Variants in PTPRT observed in about 807,000 individuals in gnomAD.
The protein encoded by PTPRT is protein tyrosine phosphatase receptor type T, also known as receptor-type tyrosine-protein phosphatase T.
A neutral mutation model predicts 176.8 loss-of-function variants in PTPRT; 56 were observed. That is an observed-to-expected ratio of 0.32 (90% CI 0.26 to 0.40). PTPRT has a LOEUF of 0.40. Ranked by LOEUF, PTPRT falls within the 10% of genes least tolerant of loss-of-function variation. The pLI, the probability that PTPRT is intolerant of heterozygous loss-of-function variation, is 1.00. For synonymous variants in PTPRT, 783 were observed against 739.0 expected (o/e 1.06, Z -0.96); for missense variants, 1,540 against 1,908.2 (o/e 0.81, Z 3.60).
chr20:42,934,890 G>A (rs1980076288), intron 1 of PTPRT, among the ~76,000 whole-genome samples: 1 of 151,874 alleles, frequency 6.6e-6, no homozygotes, highest in South Asian at 2.1e-4. Flanking sequence ...CCAACATGGT[G>A]GAACCACGTC....
intron 11 of PTPRT, among the ~76,000 whole-genome samples, chr20:42,342,424 C>T (rs2058125877): frequency 6.6e-6 from 1 of 152,138 alleles, no homozygotes; most frequent in South Asian, 2.1e-4. Flanking sequence ...TATCCATGTC[C>T]CCCTAACCCC....
At chr20:42,173,170 C>T (rs182992000) in intron 16 of PTPRT, among the ~76,000 whole-genome samples, 1 of 152,280 alleles carries the variant, frequency 6.6e-6, no homozygotes, top group East Asian at 1.9e-4. Flanking sequence ...GAAAGTTTCA[C>T]CCATCTGGTC....
the PTPRT span, chr20:42,064,112 C>G: frequency 1.3e-5 from 2 of 151,562 alleles, no homozygotes; most frequent in African/African-American, 4.8e-5. Flanking sequence ...GACTTGTCTT[C>G]CCAATATCTG....
chr20:43,180,179 GTTCTTGGGTGTTCAGA>G (rs965985327), intron 1 of PTPRT, among the ~76,000 whole-genome samples: 9 of 152,114 alleles, frequency 5.9e-5, no homozygotes, highest in African/African-American at 1.9e-4. Flanking sequence ...AGTGCTCCTG[GTTCTTGGGTGTTCAGA>G]CTCAAGTCAG....
intron 9 of PTPRT, among the ~76,000 whole-genome samples, chr20:42,376,410 T>TGACAG (rs1321379517): frequency 6.6e-6 from 1 of 152,210 alleles, no homozygotes; most frequent in Non-Finnish European, 1.5e-5. Flanking sequence ...TTGCACTCTA[T>TGACAG]GACAGTGATC....
chr20:42,273,020 T>C (rs146241808), intron 13 of PTPRT, among the ~76,000 whole-genome samples: 180 of 152,346 alleles, frequency 1.2e-3, no homozygotes, highest in Admixed American at 3.1e-3. Flanking sequence ...AGTTGATTTA[T>C]GTCTCCCTTC....
intron 6 of PTPRT, among the ~76,000 whole-genome samples, chr20:42,689,060 G>A (rs1453756611): frequency 6.6e-6 from 1 of 152,160 alleles, no homozygotes; most frequent in Admixed American, 6.5e-5. Context: ...GGGTAGAAGA[G>A]GGTGGTTCCC....
chr20:43,076,622 A>G (rs2011287588), intron 1 of PTPRT, among the ~76,000 whole-genome samples: 1 of 152,130 alleles, frequency 6.6e-6, no homozygotes, highest in Non-Finnish European at 1.5e-5. Context: ...CTCAGAGGCC[A>G]CCTACTAGTT....
chr20:42,858,990 G>T (rs978276371), intron 2 of PTPRT, among the ~76,000 whole-genome samples: 1 of 152,164 alleles, frequency 6.6e-6, no homozygotes. Flanking sequence ...CACCCTCAGT[G>T]CAGCCCTGCT....
At chr20:42,811,180 A>T (rs2077692089) in intron 2 of PTPRT, among the ~76,000 whole-genome samples, 1 of 152,248 alleles carries the variant, frequency 6.6e-6, no homozygotes, top group African/African-American at 2.4e-5. Flanking sequence ...AATGCAAAAT[A>T]CAAAGATTGA....
intron 7 of PTPRT, among the ~76,000 whole-genome samples, chr20:42,654,042 G>GCAGGA (rs2145978069): frequency 6.6e-6 from 1 of 152,274 alleles, no homozygotes; most frequent in Non-Finnish European, 1.5e-5. Flanking sequence ...CAGAAAGGGA[G>GCAGGA]CAGGACAGGA....
intron 7 of PTPRT, among the ~76,000 whole-genome samples, chr20:42,604,779 A>G (rs1391179012): frequency 1.3e-5 from 2 of 152,170 alleles, no homozygotes; most frequent in African/African-American, 4.8e-5. Context: ...CCCCGAAGAC[A>G]TTGAGTTCCA....
intron 13 of PTPRT, among the ~76,000 whole-genome samples, chr20:42,272,406 G>GTT (rs1025311146): frequency 9.1e-4 from 135 of 148,092 alleles, no homozygotes; most frequent in African/African-American, 3.1e-3. Flanking sequence ...ATTTTTTAGG[G>GTT]TTTTTTTTTT....
At chr20:42,824,279 G>C (rs1025915825) in intron 2 of PTPRT, among the ~76,000 whole-genome samples, 1 of 152,186 alleles carries the variant, frequency 6.6e-6, no homozygotes, top group Non-Finnish European at 1.5e-5. Flanking sequence ...AAGATCATTT[G>C]AAAGGAGACA....
intron 2 of PTPRT, among the ~76,000 whole-genome samples, chr20:42,839,385 T>G (rs532823663): frequency 2.8e-4 from 42 of 152,116 alleles, no homozygotes; most frequent in Admixed American, 8.5e-4. Context: ...GAAAAAGCCT[T>G]AATTAAAGGA....
intron 12 of PTPRT, among the ~76,000 whole-genome samples, chr20:42,297,726 A>G (rs1213398893): frequency 6.6e-6 from 1 of 152,192 alleles, no homozygotes; most frequent in Non-Finnish European, 1.5e-5. Flanking sequence ...AGAACATATG[A>G]AAATTTAAAA....
intron 9 of PTPRT, among the ~76,000 whole-genome samples, chr20:42,381,925 G>A (rs905265306): frequency 7.2e-5 from 11 of 152,218 alleles, no homozygotes; most frequent in South Asian, 2.1e-4. Flanking sequence ...GTAACATAGC[G>A]ATATTTATAG....
intron 5 of PTPRT, among the ~76,000 whole-genome samples, chr20:42,762,062 T>C (rs2076922966): frequency 6.6e-6 from 1 of 152,232 alleles, no homozygotes; most frequent in Non-Finnish European, 1.5e-5. Context: ...AATGCTGTGA[T>C]AGAAGCCCAG....
intron 2 of PTPRT, among the ~76,000 whole-genome samples, chr20:42,820,939 A>G (rs2077881925): frequency 6.6e-6 from 1 of 152,194 alleles, no homozygotes; most frequent in African/African-American, 2.4e-5. Context: ...CCAACCAAAA[A>G]AGGCTCAGGA....
Sources: gnomAD v4.1 joint callset for allele counts (sites outside exome capture counted in the v4.1 genomes callset) on GRCh38, gnomAD v4.1.1 for gene constraint, MANE v1.5 for transcripts, NCBI Gene and HGNC (gene_info 2026-07-23, HGNC 2026-07-21) for gene names.